Variants in TANC2 observed in about 807,000 individuals in gnomAD.
TANC2 encodes the protein protein TANC2.
In TANC2, 26 loss-of-function variants were observed where a neutral mutation model predicts 210.5. The observed-to-expected ratio is 0.12, with a 90% CI of 0.09 to 0.17. The LOEUF is 0.17. Ranked by LOEUF, TANC2 falls within the 10% of genes least tolerant of loss-of-function variation. TANC2 has a pLI of 1.00. For missense variants in TANC2, 2,129 were observed against 2,608.9 expected (o/e 0.82, Z 4.01); for synonymous variants, 931 against 967.1 (o/e 0.96, Z 0.69).
intron 11 of TANC2, among the ~76,000 whole-genome samples, chr17:63,321,102 G>A (rs2045479383): frequency 6.6e-6 from 1 of 152,006 alleles, no homozygotes; most frequent in Non-Finnish European, 1.5e-5. Context: ...GGAAGCTGAG[G>A]TAGGAGAATC....
At chr17:63,343,589 G>A (rs1387608276) in intron 12 of TANC2, among the ~76,000 whole-genome samples, 1 of 152,224 alleles carries the variant, frequency 6.6e-6, no homozygotes, top group Non-Finnish European at 1.5e-5. Context: ...AGACATAGCA[G>A]CTAGTATGGT....
At chr17:63,230,861 G>A (rs1383691447) in intron 7 of TANC2, among the ~76,000 whole-genome samples, 2 of 152,100 alleles carry the variant, frequency 1.3e-5, no homozygotes, top group Non-Finnish European at 2.9e-5. Flanking sequence ...TATTGACATT[G>A]GGTGTTAAAG....
At chr17:63,032,732 C>G (rs1452639685) in intron 2 of TANC2, among the ~76,000 whole-genome samples, 1 of 152,150 alleles carries the variant, frequency 6.6e-6, no homozygotes, top group East Asian at 1.9e-4. Context: ...TTGTTCTATA[C>G]TCACACATTC....
chr17:63,347,348 T>G (rs2046446403), intron 12 of TANC2, among the ~76,000 whole-genome samples: 1 of 152,188 alleles, frequency 6.6e-6, no homozygotes, highest in South Asian at 2.1e-4. Context: ...GAGGACTGAC[T>G]GGAGGAGAAC....
rs567177163 is a variant in TANC2, at chr17:63,099,411, A to T, written c.322+54A>T. On this transcript the variant is annotated intron_variant, in intron 4 of 27. Coordinates refer to ENST00000689528, the Ensembl canonical transcript of TANC2. ...TTAACAGGAAACCTAACGATATGACACTTTAGGTCACGTCAGATGTGTATA... is the reference window on the plus strand; with the variant it reads ...TTAACAGGAAACCTAACGATATGACTCTTTAGGTCACGTCAGATGTGTATA... 9 of 1,294,222 alleles carry T rather than the reference A, an allele frequency of 7.0e-6. No individual in the cohort carries two copies. In the African/African-American group the frequency reaches 1.3e-4, roughly 19 times the overall value. 80.2% of individuals were successfully genotyped at this position (1,294,222 alleles called of 1,614,324 possible).
At chr17:63,174,376 T>C (rs1244853077) in intron 5 of TANC2, among the ~76,000 whole-genome samples, 1 of 152,184 alleles carries the variant, frequency 6.6e-6, no homozygotes, top group Non-Finnish European at 1.5e-5. Context: ...TGGAATTAAG[T>C]TGGAAAACAC....
At position 63,283,066 on chromosome 17, in the gene TANC2, T is replaced by G. The variant is rs550247026; in HGVS notation, c.1159+15193T>G. ...GACACAAATATTTTCTCCTAGAAAT[T>G]TTGTAGTTTTATGTTTTACATTTAG... On this transcript the variant is annotated intron_variant, in intron 9 of 27. Coordinates refer to ENST00000689528, the Ensembl canonical transcript of TANC2. Among the ~76,000 whole-genome samples, 14 of 152,160 alleles carry G rather than the reference T, an allele frequency of 9.2e-5. No homozygotes were observed. In the East Asian group the frequency reaches 2.1e-3, roughly 23 times the overall value.
chr17:62,984,665 T>G (rs1282915632), intron 1 of TANC2, among the ~76,000 whole-genome samples: 1 of 152,138 alleles, frequency 6.6e-6, no homozygotes, highest in Non-Finnish European at 1.5e-5. Flanking sequence ...TGTTTCTATT[T>G]TCAGTTGTTT....
chr17:63,023,068 A>T (rs1019896975), intron 2 of TANC2, among the ~76,000 whole-genome samples: 1 of 152,188 alleles, frequency 6.6e-6, no homozygotes, highest in Non-Finnish European at 1.5e-5. Context: ...CCAGGCAAAA[A>T]CTTGCCATGG....
intron 1 of TANC2, among the ~76,000 whole-genome samples, chr17:62,970,188 C>G (rs2031612533): frequency 6.6e-6 from 1 of 152,134 alleles, no homozygotes; most frequent in South Asian, 2.1e-4. Context: ...TCTCATGTAA[C>G]CAAACACTTC....
chr17:63,058,841 C>T (rs1160816604), intron 2 of TANC2, among the ~76,000 whole-genome samples: 2 of 152,014 alleles, frequency 1.3e-5, no homozygotes, highest in East Asian at 3.9e-4. Context: ...TTACTGTAGC[C>T]CTGTAGTATA....
chr17:63,374,121 C>T (rs1039783169), intron 14 of TANC2, among the ~76,000 whole-genome samples: 15 of 147,100 alleles, frequency 1.0e-4, no homozygotes, highest in African/African-American at 2.3e-4. Flanking sequence ...ACTGCAGCCT[C>T]GACGTCCTGG....
At chr17:63,050,487 A>G (rs559131633) in intron 2 of TANC2, among the ~76,000 whole-genome samples, 1 of 152,300 alleles carries the variant, frequency 6.6e-6, no homozygotes, top group East Asian at 1.9e-4. Flanking sequence ...ACATAAAACC[A>G]TGAGTCTATT....
chr17:63,357,482 TC>T (rs2046813689), intron 14 of TANC2, among the ~76,000 whole-genome samples: 1 of 152,224 alleles, frequency 6.6e-6, no homozygotes, highest in Admixed American at 6.5e-5. Context: ...TATAATCCGT[TC>T]CCTGATGATT....
chr17:63,262,879 C>G (rs1470385246), intron 8 of TANC2, among the ~76,000 whole-genome samples: 1 of 152,116 alleles, frequency 6.6e-6, no homozygotes, highest in Non-Finnish European at 1.5e-5. Context: ...TTAGATACCT[C>G]TTCTGGGTAG....
rs141917960 is a variant in TANC2 at position 63,136,919 on chromosome 17, C to T, written c.323-14351C>T. On this transcript the variant is annotated intron_variant, in intron 4 of 27. Transcript: ENST00000689528. ...AGGCGGCAAGGGCAACCAGAAGTTA[C>T]AGAGTACTGAGGACAGAGCTAATCC... Among the ~76,000 whole-genome samples the T allele has an allele frequency of 6.0e-4, 92 of 152,126 alleles. No homozygotes were observed. In the Middle Eastern group the frequency reaches 0.027, roughly 45 times the overall value.
intron 9 of TANC2, among the ~76,000 whole-genome samples, chr17:63,290,912 A>G (rs181954493): frequency 2.0e-5 from 3 of 152,224 alleles, no homozygotes; most frequent in Non-Finnish European, 2.9e-5. Context: ...CATTGTTTAC[A>G]TAACAATAAA....
At chr17:63,165,167 G>A (rs1481741762) in intron 5 of TANC2, among the ~76,000 whole-genome samples, 1 of 151,958 alleles carries the variant, frequency 6.6e-6, no homozygotes, top group Non-Finnish European at 1.5e-5. Context: ...TGAGCTACTT[G>A]GGAGGCTGAG....
intron 7 of TANC2, among the ~76,000 whole-genome samples, chr17:63,219,482 A>G (rs964969897): frequency 2.2e-4 from 34 of 152,170 alleles, no homozygotes; most frequent in Non-Finnish European, 4.4e-4. Flanking sequence ...GTGCAATCCC[A>G]AACAAAATCC....
Sources: gnomAD v4.1 joint callset for allele counts (sites outside exome capture counted in the v4.1 genomes callset) on GRCh38, gnomAD v4.1.1 for gene constraint, MANE v1.5 for transcripts, NCBI Gene and HGNC (gene_info 2026-07-23, HGNC 2026-07-21) for gene names.